CDH6: variants seen among roughly 807,000 people sequenced by gnomAD.
The protein encoded by CDH6 is cadherin 6, also known as cadherin-6.
Under a neutral mutation model 78.0 loss-of-function variants are expected in CDH6, and 31 were observed. That is an observed-to-expected ratio of 0.40 (90% CI 0.30 to 0.54). The LOEUF is 0.54. Ranked by LOEUF, CDH6 falls within the 20% of genes least tolerant of loss-of-function variation. The probability of loss-of-function intolerance (pLI) is 0.56; values close to 1 mark genes in which losing one functional copy is unlikely to be tolerated. For missense variants in CDH6, 724 were observed against 975.9 expected, an observed-to-expected ratio of 0.74 and a Z score of 3.44; for synonymous variants, 376 against 368.8, an observed-to-expected ratio of 1.02 and a Z score of -0.23.
In CDH6 at chr5:31,267,949, A is replaced by T. The variant is rs903561230; in HGVS notation, c.228+248A>T. ...AAACACCCACAACCATCCGCATAGG[A>T]TTATCATAAATCCTTTAATTTTTAC... is the stretch of plus-strand genomic sequence containing the variant. On this transcript the variant is annotated intron_variant, in intron 2 of 11. Coordinates refer to ENST00000265071, the MANE Select transcript of CDH6 (RefSeq NM_004932.4). 5.9e-5 allele frequency among the ~76,000 whole-genome samples: 9 copies of T among 152,176 alleles called. No homozygotes were observed. The South Asian group carries it at 1.9e-3, about 32-fold the overall frequency.
At chr5:31,235,742 C>T (rs1741439187) in intron 1 of CDH6, among the ~76,000 whole-genome samples, 1 of 151,982 alleles carries the variant, frequency 6.6e-6, no homozygotes, top group Non-Finnish European at 1.5e-5. Flanking sequence ...GTTTTTTAAC[C>T]CCAAATGAAA....
Position 31,261,595 on chromosome 5 carries a change from C to T in CDH6, c.-128-5751C>T, listed in dbSNP as rs1177271133. Among the ~76,000 whole-genome samples the T allele has an allele frequency of 5.3e-5, 8 of 152,242 alleles. No individual in the cohort carries two copies. In the East Asian group the frequency reaches 5.8e-4, roughly 11 times the overall value. ...GTAACTGGTTAAAGTATATTAATAA[C>T]GTTGCTTTACTGAATGCTTATTGTG... On this transcript the variant is annotated intron_variant, in intron 1 of 11. Coordinates refer to ENST00000265071, the MANE Select transcript of CDH6 (RefSeq NM_004932.4).
At chr5:31,271,673 A>G (rs983499085) in intron 2 of CDH6, among the ~76,000 whole-genome samples, 3 of 152,082 alleles carry the variant, frequency 2.0e-5, no homozygotes, top group Non-Finnish European at 4.4e-5. Context: ...TAAAAACGGG[A>G]TGTGATTGTT....
chr5:31,319,983 C>T (rs550071555), intron 11 of CDH6, among the ~76,000 whole-genome samples: 1 of 152,216 alleles, frequency 6.6e-6, no homozygotes, highest in African/African-American at 2.4e-5. Context: ...TCTCTTTACC[C>T]TCTAGTTTTA....
At chr5:31,263,094 T>A (rs1166500167) in intron 1 of CDH6, among the ~76,000 whole-genome samples, 1 of 152,160 alleles carries the variant, frequency 6.6e-6, no homozygotes, top group Non-Finnish European at 1.5e-5. Flanking sequence ...TACCTGAAAC[T>A]GGATAATTTA....
chr5:31,217,766 G>T (rs936255506), intron 1 of CDH6, among the ~76,000 whole-genome samples: 4 of 152,142 alleles, frequency 2.6e-5, no homozygotes, highest in African/African-American at 9.7e-5. Context: ...AGGAGTAAGA[G>T]AATAAATCCA....
chr5:31,231,021 ATATTT>A (rs1438136767), intron 1 of CDH6, among the ~76,000 whole-genome samples: 3 of 152,224 alleles, frequency 2.0e-5, no homozygotes, highest in Non-Finnish European at 4.4e-5. Flanking sequence ...TCACATGATT[ATATTT>A]TAATTATAGT....
chr5:31,285,422 G>A (rs1742984785), intron 2 of CDH6, among the ~76,000 whole-genome samples: 1 of 152,124 alleles, frequency 6.6e-6, no homozygotes. Flanking sequence ...CTATTCTCCA[G>A]CTTTTTACTT....
chr5:31,296,344 T>C (rs1202308107), intron 3 of CDH6, among the ~76,000 whole-genome samples: 3 of 152,104 alleles, frequency 2.0e-5, no homozygotes, highest in Admixed American at 1.3e-4. Flanking sequence ...CTCAGTGAAA[T>C]AGACATGTAG....
At chr5:31,225,252 T>C (rs1278062011) in intron 1 of CDH6, among the ~76,000 whole-genome samples, 1 of 152,222 alleles carries the variant, frequency 6.6e-6, no homozygotes, top group Non-Finnish European at 1.5e-5. Context: ...ACTCTGGGCT[T>C]TGTGTTTATA....
chr5:31,201,689 G>A (rs1426788218), intron 1 of CDH6, among the ~76,000 whole-genome samples: 1 of 152,002 alleles, frequency 6.6e-6, no homozygotes, highest in Admixed American at 6.6e-5. Flanking sequence ...AAAAGTCTGG[G>A]GACCACTGGT....
chr5:31,267,788 T>C, intron 2 of CDH6, 87 bp downstream of exon 2: 2 of 943,170 alleles, frequency 2.1e-6, no homozygotes, highest in South Asian at 2.9e-5. Context: ...ATGTGTACTA[T>C]TCCCCAATAT....
intron 1 of CDH6, among the ~76,000 whole-genome samples, chr5:31,205,671 A>G (rs1265056330): frequency 1.3e-5 from 2 of 152,168 alleles, no homozygotes; most frequent in Admixed American, 6.5e-5. Context: ...TTTAGTAGCC[A>G]TATGTGTGAC....
chr5:31,266,169 T>C (rs561630103), intron 1 of CDH6, among the ~76,000 whole-genome samples: 9 of 152,274 alleles, frequency 5.9e-5, no homozygotes, highest in East Asian at 3.9e-4. Flanking sequence ...AAAGGAGATA[T>C]AGGCATATAT....
In CDH6 at chr5:31,267,412, G is replaced by A; in HGVS notation, c.-62G>A. 8.1e-7 allele frequency: 1 copy of A among 1,231,110 alleles called. No individual in the cohort carries two copies. Among genetic ancestry groups the A allele is most frequent in the Non-Finnish European group, 1.2e-6 (1 of 835,236 alleles). 76.3% of individuals were successfully genotyped at this position (1,231,110 alleles called of 1,614,324 possible). ...GAGGAATGAGGCTGGATACGGTGCAGTGAAAAAGGCACTTCCAAGAGTGGG... is the reference window on the plus strand; with the variant it reads ...GAGGAATGAGGCTGGATACGGTGCAATGAAAAAGGCACTTCCAAGAGTGGG... On this transcript the variant is annotated 5_prime_UTR_variant, in exon 2 of 12. The change creates a new upstream start codon in the 5' untranslated region. Transcript: ENST00000265071.
At position 31,322,833 on chromosome 5, in the gene CDH6, T is replaced by G; in HGVS notation, c.1898T>G (p.Phe633Cys). The G allele has an allele frequency of 6.2e-7, 1 of 1,613,338 alleles. No individual in the cohort carries two copies. Among genetic ancestry groups the G allele is most frequent in the Non-Finnish European group, 8.5e-7 (1 of 1,179,400 alleles). Residue 633 changes from phenylalanine (F) to cysteine (C), a missense_variant, in exon 12 of 12, where the codon TTT (phenylalanine) becomes TGT (cysteine). Phe to Cys is a radical substitution (Grantham distance 205). Around this residue, in one of 3 missense-constraint regions of CDH6, gnomAD observed 220 missense variants for 240.6 expected, o/e 0.91. Coordinates refer to ENST00000265071, the MANE Select transcript of CDH6 (RefSeq NM_004932.4). ...IVILLVTVVL[F>C]AALRRQRKKE... is the part of the protein sequence containing the mutation. The stretch of plus-strand genomic sequence containing the variant: ...CTGCTTCCAGTGACAGTGGTGCTGT[T>G]TGCAGCTCTGAGGCGGCAGCGAAAA...
chr5:31,286,879 T>G (rs1229105209), intron 2 of CDH6, among the ~76,000 whole-genome samples: 1 of 152,046 alleles, frequency 6.6e-6, no homozygotes, highest in African/African-American at 2.4e-5. Context: ...TGAATCAAGA[T>G]ATACATAAGA....
chr5:31,258,279 C>A (rs940245996), intron 1 of CDH6, among the ~76,000 whole-genome samples: 6 of 152,178 alleles, frequency 3.9e-5, no homozygotes, highest in African/African-American at 1.4e-4. Context: ...AAATGTGGCA[C>A]ATATACACCA....
intron 1 of CDH6, among the ~76,000 whole-genome samples, chr5:31,217,172 G>A (rs547798875): frequency 4.6e-5 from 7 of 152,212 alleles, no homozygotes; most frequent in African/African-American, 1.4e-4. Context: ...TCTCTCTTTT[G>A]TTAGTAGGCA....
Sources: gnomAD v4.1 joint callset for allele counts (sites outside exome capture counted in the v4.1 genomes callset) on GRCh38, gnomAD v4.1.1 for gene constraint, gnomAD v4.1.1 regional missense constraint, MANE v1.5 for transcripts, NCBI Gene and HGNC (gene_info 2026-07-23, HGNC 2026-07-21) for gene names.